Variants in TMPRSS6 observed in about 807,000 individuals in gnomAD.
The protein encoded by TMPRSS6 is transmembrane serine protease 6.
In TMPRSS6, 67 loss-of-function variants were observed where a neutral mutation model predicts 101.5. That is an observed-to-expected ratio of 0.66 (90% CI 0.54 to 0.81). The LOEUF (loss-of-function observed/expected upper bound fraction) is 0.81. Ranked by LOEUF, TMPRSS6 falls within the 30% of genes least tolerant of loss-of-function variation. TMPRSS6 has a pLI of 0.00. For synonymous variants in TMPRSS6, 453 were observed against 464.9 expected (o/e 0.97, Z 0.33); for missense variants, 1,034 against 1,088.7 (o/e 0.95, Z 0.71).
chr22:37,087,234 C>A (rs937518708), intron 7 of TMPRSS6, among the ~76,000 whole-genome samples: 1 of 152,170 alleles, frequency 6.6e-6, no homozygotes, highest in Non-Finnish European at 1.5e-5. Context: ...TGGAGTCCAG[C>A]GCATCTGATG....
At position 37,070,968 on chromosome 22, in the gene TMPRSS6, C is replaced by T. The variant is rs142644443; in HGVS notation, c.1620G>A (p.Pro540=). Residue 540 remains proline, a synonymous_variant, in exon 14 of 18, where the codon CCG becomes CCA. Transcript: ENST00000676104. ...EDRSCVKKPN[P]QCDGRPDCRD... Reference sequence around the variant, plus strand: ...TGCAGTCGGGCCGCCCATCACACTGCGGGTTGGGCTTCTTCACGCAGCTCC... The same window carrying T: ...TGCAGTCGGGCCGCCCATCACACTGTGGGTTGGGCTTCTTCACGCAGCTCC... 43 of 1,613,250 alleles carry T rather than the reference C, an allele frequency of 2.7e-5. No homozygotes were observed. The highest frequency in any genetic ancestry group is 4.5e-5 in the East Asian group (2 of 44,848).
At chr22:37,070,765 GA>G (rs950705826) in intron 14 of TMPRSS6, 113 bp from the exon 15 acceptor site, 2 of 1,350,386 alleles carry the variant, frequency 1.5e-6, no homozygotes, top group African/African-American at 2.9e-5. Context: ...GAGAATGATG[GA>G]GGGGGAGAGA....
chr22:37,073,214 A>T (rs1180488343), intron 13 of TMPRSS6, among the ~76,000 whole-genome samples: 1 of 152,008 alleles, frequency 6.6e-6, no homozygotes, highest in East Asian at 1.9e-4. Context: ...ATAGACCAGT[A>T]GTCAGCCAAA....
rs369427044 is a variant in TMPRSS6, at chr22:37,070,994, G to A, written c.1594C>T (p.Arg532Trp). 2.9e-5 allele frequency: 46 copies of A among 1,612,974 alleles called. No individual in the cohort carries two copies. Among genetic ancestry groups the A allele is most frequent in the African/African-American group, 4.0e-5 (3 of 74,798 alleles). The change falls in exon 14 of 18, where the codon CGG (arginine) becomes TGG (tryptophan). Residue 532 changes from arginine (R) to tryptophan (W), a missense_variant. Arg to Trp is a moderately radical substitution (Grantham distance 101). Transcript: ENST00000676104. ...GGGTTGGGCTTCTTCACGCAGCTCC[G>A]GTCCTCACACTGGAAGGTGAATGTC... ...CGTFTFQCED[R>W]SCVKKPNPQC...
intron 16 of TMPRSS6, 77 bp from the exon 17 acceptor site, chr22:37,067,039 C>A (rs976014889): frequency 6.3e-5 from 101 of 1,598,246 alleles, no homozygotes; most frequent in Non-Finnish European, 5.0e-5. Flanking sequence ...ACATTATTCC[C>A]TTTGCATCTC....
intron 12 of TMPRSS6, 94 bp from the exon 13 acceptor site, chr22:37,073,739 G>A (rs377411317): frequency 4.0e-5 from 32 of 802,954 alleles, no homozygotes; most frequent in South Asian, 1.3e-4. Context: ...TGTATTGCAC[G>A]TTACCAATCA....
At chr22:37,096,352 C>A (rs560637146) in intron 4 of TMPRSS6, among the ~76,000 whole-genome samples, 12 of 152,324 alleles carry the variant, frequency 7.9e-5, no homozygotes, top group Admixed American at 7.8e-4. Context: ...GGCAGTCGGG[C>A]CCTGGAGCCA....
Position 37,101,699 on chromosome 22 carries a change from C to G in TMPRSS6, c.202+1517G>C, listed in dbSNP as rs1292131857. On this transcript the variant is annotated intron_variant, in intron 2 of 17. Coordinates refer to ENST00000676104, the MANE Select transcript of TMPRSS6 (RefSeq NM_001374504.1). This position sits in a 1 kb window ranked among gnomAD's most constrained non-coding sequence, Gnocchi z 4.1. ...GAGCACTCACCCCTTGGGTCCTCAG[C>G]CCCATGGAGCACCTCTCCTGGGGTG... 1.3e-5 allele frequency among the ~76,000 whole-genome samples: 2 copies of G among 152,158 alleles called. No individual in the cohort carries two copies. The highest frequency in any genetic ancestry group is 4.8e-5 in the African/African-American group (2 of 41,432).
rs67454685 is a variant in TMPRSS6 at position 37,094,381 on chromosome 22, TGATAGATA to T, written c.631+1162_631+1169del. Among the ~76,000 whole-genome samples the T allele has an allele frequency of 9.9e-3, 1,301 of 131,024 alleles. 5 individuals carry two copies. Among genetic ancestry groups the T allele is most frequent in the African/African-American group, 0.018 (577 of 32,100 alleles). The allele number at this position is 131,024 out of a possible 152,430, so 86.0% of individuals were successfully genotyped here. A position where few individuals can be genotyped will look rare whatever the true frequency, so the allele number is the denominator to read the frequency against. ...ATTCTCTTTTTCCATTAATGATTGA[TGATAGATA>T]GATAGATAGATAGATAGATAGATAG... On this transcript the variant is annotated intron_variant, in intron 6 of 17. Coordinates refer to ENST00000676104, the MANE Select transcript of TMPRSS6 (RefSeq NM_001374504.1).
At position 37,099,257 on chromosome 22, in the gene TMPRSS6, C is replaced by T. The variant is rs372285382; in HGVS notation, c.203-708G>A. On this transcript the variant is annotated intron_variant, in intron 2 of 17. Coordinates refer to ENST00000676104, the MANE Select transcript of TMPRSS6 (RefSeq NM_001374504.1). ...CCAGCAGAGGGAGCAGCATGGGGCA[C>T]GGGGCCGGTAGCACGGGGACCATGG... 7.6e-4 allele frequency among the ~76,000 whole-genome samples: 115 copies of T among 152,264 alleles called. No homozygotes were observed. The East Asian group carries it at 0.013, about 17-fold the overall frequency.
At chr22:37,068,492 C>A in intron 16 of TMPRSS6, 1 of 689,168 alleles carries the variant, frequency 1.5e-6, no homozygotes, top group South Asian at 1.6e-5. Context: ...GGACTCTGGT[C>A]AGTGAACGTA....
Position 37,104,912 on chromosome 22 carries a change from G to C in TMPRSS6, c.-1-1494C>G, listed in dbSNP as rs535200435. Among the ~76,000 whole-genome samples, 35 of 151,358 alleles carry C rather than the reference G, an allele frequency of 2.3e-4. No homozygotes were observed. The South Asian group carries it at 5.8e-3, about 25-fold the overall frequency. On this transcript the variant is annotated intron_variant, in intron 1 of 17. Coordinates refer to ENST00000676104, the MANE Select transcript of TMPRSS6 (RefSeq NM_001374504.1). Reference sequence around the variant, plus strand: ...GTCAGGGGAGGTTGCAGTGAGCTGAGATCATGCCATTGTACTCCAGCCTGG... The same window carrying C: ...GTCAGGGGAGGTTGCAGTGAGCTGACATCATGCCATTGTACTCCAGCCTGG...
intron 10 of TMPRSS6, 194 bp downstream of exon 10, chr22:37,084,101 G>A (rs982676161): frequency 4.8e-6 from 3 of 624,966 alleles, no homozygotes; most frequent in Non-Finnish European, 8.8e-6. Context: ...GGGAAGCCGG[G>A]GCCAGGGCGG....
chr22:37,109,934 G>A (rs1003335512), upstream of TMPRSS6, among the ~76,000 whole-genome samples: 7 of 152,032 alleles, frequency 4.6e-5, no homozygotes, highest in Non-Finnish European at 1.0e-4. Flanking sequence ...TGCAGAGGCC[G>A]GTGCAGGTGA....
intron 2 of TMPRSS6, 38 bp from the exon 3 acceptor site, chr22:37,098,587 C>A: frequency 6.2e-7 from 1 of 1,613,920 alleles, no homozygotes; most frequent in East Asian, 2.2e-5. Flanking sequence ...GTGGAGGAAG[C>A]AGGTGGGAAA....
chr22:37,088,471 C>T (rs1928962392), intron 7 of TMPRSS6, among the ~76,000 whole-genome samples: 3 of 152,160 alleles, frequency 2.0e-5, no homozygotes. Flanking sequence ...GCTCAATAAA[C>T]AATCGCTGAG....
At chr22:37,100,550 G>A (rs935716560) in intron 2 of TMPRSS6, among the ~76,000 whole-genome samples, 1 of 152,220 alleles carries the variant, frequency 6.6e-6, no homozygotes, top group Non-Finnish European at 1.5e-5. Context: ...AAGAAAGAAA[G>A]GAGTAAGGGG....
Position 37,088,928 on chromosome 22 carries a change from C to T in TMPRSS6, c.836+650G>A, listed in dbSNP as rs148844188. On this transcript the variant is annotated intron_variant, in intron 7 of 17. Transcript: ENST00000676104. ...AGGCAAAGTAACTTGCCTTAGGGCA[C>T]GCAGCTAGGAGACAGGGGGTTCCCC... Among the ~76,000 whole-genome samples the T allele has an allele frequency of 5.7e-3, 863 of 152,310 alleles. 9 individuals are homozygous for T. The highest frequency in any genetic ancestry group is 0.02 in the African/African-American group (826 of 41,552).
At position 37,086,402 on chromosome 22, in the gene TMPRSS6, C is replaced by A. The variant is rs1246688464; in HGVS notation, c.854G>T (p.Arg285Leu). 8 of 1,590,676 alleles carry A rather than the reference C, an allele frequency of 5.0e-6. No homozygotes were observed. The highest frequency in any genetic ancestry group is 6.0e-6 in the Non-Finnish European group (7 of 1,168,712). Residue 285 changes from arginine (R) to leucine (L), a missense_variant, in exon 8 of 18, where the codon CGC becomes CTC. Physicochemically the swap from Arg to Leu is moderately radical, Grantham distance 102 (BLOSUM62 -2). Coordinates refer to ENST00000676104, the MANE Select transcript of TMPRSS6 (RefSeq NM_001374504.1). ...CAGAACCTCCACCACGGGCTCCTGGCGGCTGCAGCCGTACACCCTGGCAGA... is the reference window on the plus strand; with the variant it reads ...CAGAACCTCCACCACGGGCTCCTGGAGGCTGCAGCCGTACACCCTGGCAGA... ...RLITSVYGCS[R>L]QEPVVEVLAS...
Sources: gnomAD v4.1 joint callset for allele counts (sites outside exome capture counted in the v4.1 genomes callset) on GRCh38, gnomAD v4.1.1 for gene constraint, Gnocchi (gnomAD v3.1) non-coding constraint, MANE v1.5 for transcripts, NCBI Gene and HGNC (gene_info 2026-07-23, HGNC 2026-07-21) for gene names.